Variants in ITPR2 observed in about 807,000 individuals in gnomAD.
ITPR2 encodes the protein inositol 1,4,5-trisphosphate-gated calcium channel ITPR2.
ITPR2 carries 207 observed loss-of-function variants against 317.1 expected under a neutral mutation model. The observed-to-expected ratio is 0.65, with a 90% CI of 0.58 to 0.73. The LOEUF (loss-of-function observed/expected upper bound fraction) is 0.73, where lower values mean the gene tolerates loss of function less well. Among genes scored for constraint, ITPR2 ranks in the 30% least tolerant of loss-of-function variants. The pLI is 0.00. For missense variants in ITPR2, 2,613 were observed against 3,284.0 expected (o/e 0.80, Z 4.99); for synonymous variants, 1,156 against 1,149.1 (o/e 1.01, Z -0.12).
intron 29 of ITPR2, among the ~76,000 whole-genome samples, chr12:26,599,782 T>C (rs1945949241): frequency 6.6e-6 from 1 of 152,152 alleles, no homozygotes; most frequent in Non-Finnish European, 1.5e-5. Context: ...ACATTGTCAT[T>C]TGCATGTAAA....
intron 26 of ITPR2, among the ~76,000 whole-genome samples, chr12:26,614,891 G>A (rs1409524262): frequency 6.6e-6 from 1 of 152,162 alleles, no homozygotes; most frequent in African/African-American, 2.4e-5. Flanking sequence ...ATGACATTAT[G>A]CATTTGTCAA....
chr12:26,342,953 T>C (rs190622045), intron 55 of ITPR2, among the ~76,000 whole-genome samples: 75 of 152,162 alleles, frequency 4.9e-4, no homozygotes, highest in African/African-American at 1.4e-3. Flanking sequence ...GGGGAGTGGA[T>C]TAGTTCCCAT....
At chr12:26,740,388 G>T (rs997992951) in intron 2 of ITPR2, among the ~76,000 whole-genome samples, 2 of 152,136 alleles carry the variant, frequency 1.3e-5, no homozygotes, top group African/African-American at 2.4e-5. Context: ...AGTCATCTTT[G>T]GAGGTCAGAG....
intron 5 of ITPR2, among the ~76,000 whole-genome samples, chr12:26,719,598 A>C (rs1176905746): frequency 6.6e-6 from 1 of 152,212 alleles, no homozygotes; most frequent in Non-Finnish European, 1.5e-5. Context: ...CGCAGCTAGA[A>C]ATTCAACACT....
At chr12:26,615,985 T>TTTTGTAATTG (rs1385234456) in intron 26 of ITPR2, among the ~76,000 whole-genome samples, 1 of 152,128 alleles carries the variant, frequency 6.6e-6, no homozygotes. Flanking sequence ...AACCTGGATG[T>TTTTGTAATTG]ACAATAGGTC....
intron 23 of ITPR2, among the ~76,000 whole-genome samples, chr12:26,626,208 G>GC (rs1484537148): frequency 6.6e-6 from 1 of 152,064 alleles, no homozygotes; most frequent in Non-Finnish European, 1.5e-5. Flanking sequence ...CAACCAATCC[G>GC]CCCCCTTCGG....
intron 37 of ITPR2, among the ~76,000 whole-genome samples, chr12:26,511,815 C>T (rs1239798786): frequency 1.3e-5 from 2 of 152,222 alleles, no homozygotes; most frequent in Non-Finnish European, 2.9e-5. Flanking sequence ...GCTGGTAGAA[C>T]ATAGCTACAA....
chr12:26,774,157 T>C (rs1949918306), intron 2 of ITPR2, among the ~76,000 whole-genome samples: 1 of 152,166 alleles, frequency 6.6e-6, no homozygotes, highest in Non-Finnish European at 1.5e-5. Context: ...AAAGATTTGT[T>C]AGAATCCATA....
chr12:26,419,002 A>G lies in ITPR2; in HGVS notation c.7110+47T>C, dbSNP rs766270757. 4 of 1,522,128 alleles carry G rather than the reference A, an allele frequency of 2.6e-6. No homozygotes were observed. In the South Asian group the frequency reaches 5.1e-5, roughly 19 times the overall value. 94.3% of individuals were successfully genotyped at this position (1,522,128 alleles called of 1,614,324 possible). A position where few individuals can be genotyped will look rare whatever the true frequency, so the allele number is the denominator to read the frequency against. On this transcript the variant is annotated intron_variant, in intron 50 of 56. Coordinates refer to ENST00000381340, the MANE Select transcript of ITPR2 (RefSeq NM_002223.4). ...AGGAAGAGGCATAAGAAGCAGCAGC[A>G]TTGTGTACTTTTTCAGCAGTGATTG...
chr12:26,695,786 T>A lies in ITPR2; in HGVS notation c.952-136A>T, dbSNP rs181017707. 4.8e-6 allele frequency: 3 copies of A among 629,242 alleles called. No individual in the cohort carries two copies. In the East Asian group the frequency reaches 8.4e-5, roughly 18 times the overall value. 39.0% of individuals were successfully genotyped at this position (629,242 alleles called of 1,614,324 possible). A position where few individuals can be genotyped will look rare whatever the true frequency, so the allele number is the denominator to read the frequency against. Reference sequence around the variant, plus strand: ...AAGATGCTAAGAAAGAAACTATTAGTAAATATGACAATTTAAAATACTACC... The same window carrying A: ...AAGATGCTAAGAAAGAAACTATTAGAAAATATGACAATTTAAAATACTACC... On this transcript the variant is annotated intron_variant, in intron 9 of 56. Transcript: ENST00000381340.
intron 8 of ITPR2, among the ~76,000 whole-genome samples, chr12:26,712,819 T>A (rs1442699330): frequency 6.6e-6 from 1 of 151,876 alleles, no homozygotes; most frequent in African/African-American, 2.4e-5. Flanking sequence ...GAAGGGAGGG[T>A]GTTTTTGTTT....
intron 34 of ITPR2, among the ~76,000 whole-genome samples, chr12:26,570,486 T>C (rs1945131002): frequency 6.6e-6 from 1 of 152,232 alleles, no homozygotes; most frequent in East Asian, 1.9e-4. Context: ...AGATATAATG[T>C]TTATTTAATA....
At chr12:26,806,409 A>T (rs1021644683) in intron 1 of ITPR2, among the ~76,000 whole-genome samples, 15 of 152,302 alleles carry the variant, frequency 9.8e-5, no homozygotes, top group Admixed American at 2.0e-4. Flanking sequence ...AAAAAAAAAC[A>T]AGAGACTGTG....
chr12:26,337,245 G>A lies in ITPR2; in HGVS notation c.*2152C>T, dbSNP rs1403178441. The A allele has an allele frequency of 6.6e-6, 1 of 152,122 alleles. No individual in the cohort carries two copies. Among genetic ancestry groups the A allele is most frequent in the Non-Finnish European group, 1.5e-5 (1 of 68,012 alleles). The allele number at this position is 152,122 out of a possible 1,614,324, so 9.4% of individuals were successfully genotyped here. A position where few individuals can be genotyped will look rare whatever the true frequency, so the allele number is the denominator to read the frequency against. On this transcript the variant is annotated 3_prime_UTR_variant, in exon 57 of 57. Transcript: ENST00000381340. The stretch of plus-strand genomic sequence containing the variant: ...TACAAAATGAACTATTATGGTGTCA[G>A]AAAAGGCTAGATACTTTATCATCTG...
chr12:26,707,367 G>A (rs1278701816), intron 9 of ITPR2, among the ~76,000 whole-genome samples: 2 of 152,020 alleles, frequency 1.3e-5, no homozygotes, highest in Non-Finnish European at 2.9e-5. Flanking sequence ...AGAGAAAACT[G>A]AACAAGTAAA....
At chr12:26,601,299 C>T (rs1377265184) in intron 28 of ITPR2, among the ~76,000 whole-genome samples, 7 of 152,118 alleles carry the variant, frequency 4.6e-5, no homozygotes, top group Non-Finnish European at 1.0e-4. Context: ...CTAGCTTTGC[C>T]TATTTAGAGG....
intron 32 of ITPR2, among the ~76,000 whole-genome samples, chr12:26,581,792 C>T (rs1945411071): frequency 6.6e-6 from 1 of 152,084 alleles, no homozygotes; most frequent in Non-Finnish European, 1.5e-5. Flanking sequence ...TACAGTGAAC[C>T]TTCCTGATAC....
At chr12:26,407,209 T>C (rs1940381873) in intron 52 of ITPR2, among the ~76,000 whole-genome samples, 1 of 152,164 alleles carries the variant, frequency 6.6e-6, no homozygotes, top group South Asian at 2.1e-4. Context: ...ATGATGTTCT[T>C]TGTGTAATAT....
intron 2 of ITPR2, among the ~76,000 whole-genome samples, chr12:26,744,718 C>A (rs924539478): frequency 1.3e-5 from 2 of 152,152 alleles, no homozygotes; most frequent in African/African-American, 4.8e-5. Flanking sequence ...TATTTTGGAT[C>A]GCAAACAGGA....
Sources: allele counts gnomAD v4.1 joint callset (sites outside exome capture counted in the v4.1 genomes callset), GRCh38; gene constraint gnomAD v4.1.1; transcripts MANE v1.5; gene names NCBI Gene and HGNC (gene_info 2026-07-23, HGNC 2026-07-21).